PDE1C: variants seen among roughly 807,000 people sequenced by gnomAD.
PDE1C encodes the protein phosphodiesterase 1C.
Under a neutral mutation model 93.1 loss-of-function variants are expected in PDE1C, and 62 were observed. The observed-to-expected ratio is 0.67, with a 90% CI of 0.54 to 0.82. The LOEUF is 0.82. PDE1C is among the 40% of genes least tolerant of loss of function. PDE1C has a pLI of 0.00. For synonymous variants in PDE1C, 325 were observed against 310.1 expected (o/e 1.05, Z -0.50); for missense variants, 742 against 884.6 (o/e 0.84, Z 2.04).
chr7:32,082,912 G>A (rs1213484892), intron 3 of PDE1C, among the ~76,000 whole-genome samples: 13 of 151,034 alleles, frequency 8.6e-5, no homozygotes, highest in South Asian at 2.1e-4. Flanking sequence ...AAAAAACAGA[G>A]CAGAAAAACT....
intron 1 of PDE1C, among the ~76,000 whole-genome samples, chr7:32,407,970 G>A (rs1785090740): frequency 6.6e-6 from 1 of 152,090 alleles, no homozygotes; most frequent in Non-Finnish European, 1.5e-5. Context: ...ACTGTTTCTG[G>A]GGTTCACTGT....
chr7:31,719,765 C>T, the PDE1C span, among the ~76,000 whole-genome samples: 2 of 152,170 alleles, frequency 1.3e-5, no homozygotes, highest in Admixed American at 6.5e-5. Context: ...AGTCAATATT[C>T]GTTGCCTAAA....
At chr7:32,064,138 C>T (rs1399502236) in intron 1 of PDE1C, among the ~76,000 whole-genome samples, 3 of 152,086 alleles carry the variant, frequency 2.0e-5, no homozygotes, top group Admixed American at 6.5e-5. Flanking sequence ...CAGGTCAATG[C>T]CCTCTTCCCT....
At chr7:32,255,980 TG>T (rs1454270042) in intron 1 of PDE1C, among the ~76,000 whole-genome samples, 1 of 152,154 alleles carries the variant, frequency 6.6e-6, no homozygotes, top group East Asian at 1.9e-4. Context: ...CTGCAGCAAC[TG>T]TGTGCAGGGG....
At chr7:31,823,572 T>C (rs1041876126) in intron 13 of PDE1C, among the ~76,000 whole-genome samples, 2 of 152,112 alleles carry the variant, frequency 1.3e-5, no homozygotes, top group African/African-American at 4.8e-5. Flanking sequence ...AACTGACTAA[T>C]TTGAACTGGG....
chr7:31,925,088 T>C (rs1475768199), intron 2 of PDE1C, among the ~76,000 whole-genome samples: 2 of 123,948 alleles, frequency 1.6e-5, no homozygotes, highest in South Asian at 2.6e-4. Flanking sequence ...TGTGTGTGTG[T>C]GTGCATGCGC....
intron 2 of PDE1C, among the ~76,000 whole-genome samples, chr7:31,912,569 C>T (rs748875986): frequency 6.6e-6 from 1 of 152,008 alleles, no homozygotes; most frequent in Non-Finnish European, 1.5e-5. Flanking sequence ...CAGCTGTAGT[C>T]CTAACTACTT....
At chr7:32,234,562 GT>G (rs1223159796) in intron 1 of PDE1C, among the ~76,000 whole-genome samples, 2 of 151,912 alleles carry the variant, frequency 1.3e-5, no homozygotes, top group Non-Finnish European at 2.9e-5. Flanking sequence ...CCATAACTCA[GT>G]TAAGATGAAA....
intron 1 of PDE1C, among the ~76,000 whole-genome samples, chr7:32,399,993 T>C (rs73307812): frequency 6.6e-6 from 1 of 152,084 alleles, no homozygotes; most frequent in East Asian, 1.9e-4. Context: ...GAGGATACAG[T>C]TCTGTCCATA....
intron 1 of PDE1C, among the ~76,000 whole-genome samples, chr7:32,245,877 G>C (rs1019703606): frequency 6.6e-6 from 1 of 151,886 alleles, no homozygotes; most frequent in African/African-American, 2.4e-5. Flanking sequence ...CAAGGACTCT[G>C]CCCTACTTAT....
intron 2 of PDE1C, among the ~76,000 whole-genome samples, chr7:31,997,042 G>GA (rs1784805768): frequency 6.6e-6 from 1 of 152,122 alleles, no homozygotes; most frequent in Admixed American, 6.5e-5. Flanking sequence ...TGAATTTTAG[G>GA]AAAAATTTAT....
intron 2 of PDE1C, among the ~76,000 whole-genome samples, chr7:31,889,750 A>C (rs1798394765): frequency 6.6e-6 from 1 of 152,198 alleles, no homozygotes. Flanking sequence ...GTCCAAAAGA[A>C]GCCTTCTATT....
chr7:31,927,401 C>T (rs1803546032), intron 2 of PDE1C, among the ~76,000 whole-genome samples: 1 of 152,190 alleles, frequency 6.6e-6, no homozygotes, highest in South Asian at 2.1e-4. Context: ...TGCCTGCCGG[C>T]TCTGAAGAGA....
intron 2 of PDE1C, among the ~76,000 whole-genome samples, chr7:32,030,581 G>A (rs1790182784): frequency 6.6e-6 from 1 of 151,908 alleles, no homozygotes; most frequent in Admixed American, 6.6e-5. Context: ...AAGTTACCTG[G>A]GCATATTGAA....
chr7:32,298,941 C>CG, exon 1 of PDE1C: 1 of 1,331,574 alleles, frequency 7.5e-7, no homozygotes, highest in Non-Finnish European at 9.5e-7. Context: ...GCTAGGAGCT[C>CG]GGCGGAGGCA....
upstream of PDE1C, among the ~76,000 whole-genome samples, chr7:32,075,276 T>C (rs930305141): frequency 2.0e-5 from 3 of 152,232 alleles, no homozygotes; most frequent in Non-Finnish European, 2.9e-5. Flanking sequence ...AGCCAGCCTA[T>C]GCCCTTGATC....
chr7:31,792,092 T>C (rs1460128674), intron 16 of PDE1C, among the ~76,000 whole-genome samples: 1 of 152,116 alleles, frequency 6.6e-6, no homozygotes, highest in Non-Finnish European at 1.5e-5. Flanking sequence ...ATATGTTCTA[T>C]AGCTGGGTCT....
chr7:31,924,577 C>CTGTTTT (rs1803094753), intron 2 of PDE1C, among the ~76,000 whole-genome samples: 1 of 151,390 alleles, frequency 6.6e-6, no homozygotes, highest in Non-Finnish European at 1.5e-5. Context: ...GCTACAGGCA[C>CTGTTTT]CTCGAAAGAG....
At chr7:31,662,306 G>A in the PDE1C span, among the ~76,000 whole-genome samples, 1 of 152,194 alleles carries the variant, frequency 6.6e-6, no homozygotes, top group Non-Finnish European at 1.5e-5. Flanking sequence ...GGTTACTCCT[G>A]AATAGAAAAA....
Sources: gnomAD v4.1 joint callset for allele counts (sites outside exome capture counted in the v4.1 genomes callset) on GRCh38, gnomAD v4.1.1 for gene constraint, MANE v1.5 for transcripts, NCBI Gene and HGNC (gene_info 2026-07-23, HGNC 2026-07-21) for gene names.